MSN: variants seen among roughly 807,000 people sequenced by gnomAD.
MSN encodes moesin, also known as epididymis luminal protein 70.
A neutral mutation model predicts 48.0 loss-of-function variants in MSN; 2 were observed. The observed-to-expected ratio is 0.04, with a 90% confidence interval of 0.02 to 0.13. The LOEUF is 0.13. MSN is among the 10% of genes least tolerant of loss of function. The probability of loss-of-function intolerance (pLI) is 1.00; values close to 1 mark genes in which losing one functional copy is unlikely to be tolerated. For synonymous variants in MSN, 146 were observed against 166.9 expected (o/e 0.87, Z 0.97); for missense variants, 267 against 470.1 (o/e 0.57, Z 3.99).
At chrX:65,659,867 C>T (rs1373541151) in intron 1 of MSN, among the ~76,000 whole-genome samples, 4 of 111,191 alleles carry the variant, frequency 3.6e-5, no homozygotes, top group African/African-American at 1.3e-4. Flanking sequence ...TCTCTAGAAA[C>T]ACTGACATAA....
chrX:65,633,906 C>G lies in MSN; in HGVS notation c.-22+45294C>G, dbSNP rs368418761. Among the ~76,000 whole-genome samples the G allele has an allele frequency of 5.2e-4, 58 of 111,716 alleles. No individual in the cohort carries two copies. In the South Asian group the frequency reaches 0.012, roughly 23 times the overall value. On this transcript the variant is annotated intron_variant, in intron 1 of 3. Transcript: ENST00000609672. ...TGTTTCAGAAGAATGGTCATGTGTC[C>G]AATGTCACACATCAGTTCAAGAGCA...
At chrX:65,596,254 C>A (rs2070185745) in intron 1 of MSN, among the ~76,000 whole-genome samples, 1 of 111,047 alleles carries the variant, frequency 9.0e-6, no homozygotes, top group African/African-American at 3.3e-5. Context: ...AACTTAGGGA[C>A]CCCAGTGTCT....
chrX:65,614,034 A>G (rs1336160476), intron 1 of MSN, among the ~76,000 whole-genome samples: 1 of 111,511 alleles, frequency 9.0e-6, no homozygotes, highest in African/African-American at 3.3e-5. Flanking sequence ...ATTCATCTTG[A>G]GTTAATCTTT....
chrX:65,693,825 G>A (rs1239161833), intron 1 of MSN, among the ~76,000 whole-genome samples: 3 of 111,646 alleles, frequency 2.7e-5, no homozygotes, highest in Non-Finnish European at 3.8e-5. Flanking sequence ...AGGCCGAGGC[G>A]GGCAGATCAC....
chrX:65,648,292 C>CA (rs2148373252), intron 1 of MSN, among the ~76,000 whole-genome samples: 1 of 112,309 alleles, frequency 8.9e-6, no homozygotes, highest in South Asian at 3.7e-4. Context: ...GTGGCTCACG[C>CA]CTGTAATCCC....
chrX:65,716,716 G>A, intron 1 of MSN, 102 bp from the exon 2 acceptor site: 1 of 712,809 alleles, frequency 1.4e-6, no homozygotes, highest in Non-Finnish European at 2.2e-6. Flanking sequence ...CAGGCTCTTA[G>A]CATCCTAACT....
chrX:65,684,453 T>C (rs1341948451), intron 1 of MSN, among the ~76,000 whole-genome samples: 1 of 110,377 alleles, frequency 9.1e-6, no homozygotes, highest in African/African-American at 3.3e-5. Flanking sequence ...CTTTTTTTTT[T>C]TTGAGGCAGA....
rs1261169460 is a variant in MSN, at chrX:65,676,614, G to A, written c.12+8761G>A. On this transcript the variant is annotated intron_variant, in intron 1 of 12. Transcript: ENST00000360270. ...TTTTTCCTGGGTATATATTTGGGAA[G>A]TGACTGGGGCCAAGGCCTAGGAGGG... Among the ~76,000 whole-genome samples, 3 of 111,454 alleles carry A rather than the reference G, an allele frequency of 2.7e-5. No individual in the cohort carries two copies. The East Asian group carries it at 8.4e-4, about 31-fold the overall frequency.
At chrX:65,689,416 T>A (rs1053123605) in intron 1 of MSN, among the ~76,000 whole-genome samples, 3 of 110,926 alleles carry the variant, frequency 2.7e-5, no homozygotes, top group African/African-American at 9.8e-5. Context: ...CATAACTGGG[T>A]GGAGGGGTGA....
At position 65,650,840 on chromosome X, in the gene MSN, T is replaced by G. The variant is rs192931891; in HGVS notation, c.-22+62228T>G. Among the ~76,000 whole-genome samples the G allele has an allele frequency of 5.4e-5, 6 of 111,640 alleles. No individual in the cohort carries two copies. The East Asian group carries it at 1.7e-3, about 31-fold the overall frequency. Reference sequence around the variant, plus strand: ...CTGAAGGCTCTAGAGAAGAATAAATTTCCTTGTCTTTTCCAGCTTATTGAG... The same window carrying G: ...CTGAAGGCTCTAGAGAAGAATAAATGTCCTTGTCTTTTCCAGCTTATTGAG... On this transcript the variant is annotated intron_variant, in intron 1 of 3. Transcript: ENST00000609672.
At chrX:65,607,344 G>A (rs994688072) in intron 1 of MSN, among the ~76,000 whole-genome samples, 2 of 111,479 alleles carry the variant, frequency 1.8e-5, no homozygotes, top group Non-Finnish European at 3.8e-5. Context: ...TGACCCAGAG[G>A]GAGATCTTGA....
chrX:65,602,027 G>A (rs143482535), intron 1 of MSN, among the ~76,000 whole-genome samples: 2 of 111,876 alleles, frequency 1.8e-5, no homozygotes, highest in East Asian at 2.8e-4. Flanking sequence ...TACTCTGAGC[G>A]TTCTACAGCT....
intron 1 of MSN, among the ~76,000 whole-genome samples, chrX:65,596,331 G>A (rs1483048130): frequency 1.8e-5 from 2 of 111,109 alleles, no homozygotes; most frequent in Non-Finnish European, 3.8e-5. Context: ...ATCCCCAGGA[G>A]GCTGGAATCT....
rs151122497 is a variant in MSN, at chrX:65,659,638, C to G, written c.-21-57180C>G. ...CATCTCCTGCCCACTGACTCAGATG[C>G]CCCCGGCTTCCTTGGACTCCAGCTC... On this transcript the variant is annotated intron_variant, in intron 1 of 3. Coordinates refer to the MSN transcript ENST00000609672. 7.6e-3 allele frequency among the ~76,000 whole-genome samples: 847 copies of G among 111,387 alleles called. 8 individuals are homozygous for G. The highest frequency in any genetic ancestry group is 0.027 in the African/African-American group (818 of 30,686).
chrX:65,729,706 C>T lies in MSN; in HGVS notation c.461C>T (p.Pro154Leu). ...TACCTGGCCGGAGACAAGTTGCTCC[C>T]GCAGAGGTGAGGTGGTTCCCTGCCC... is the stretch of plus-strand genomic sequence containing the variant. ...SGYLAGDKLL[P>L]QRVLEQHKLN... The change falls in exon 4 of 13, where the codon CCG becomes CTG. Residue 154 changes from proline to leucine, a missense_variant. Pro to Leu is a moderately conservative substitution (Grantham distance 98). Transcript: ENST00000360270. 1.7e-6 allele frequency: 2 copies of T among 1,209,469 alleles called. No homozygotes were observed. Among genetic ancestry groups the T allele is most frequent in the Non-Finnish European group, 2.2e-6 (2 of 894,163 alleles).
intron 1 of MSN, among the ~76,000 whole-genome samples, chrX:65,633,505 A>G (rs1253977727): frequency 8.9e-6 from 1 of 112,446 alleles, no homozygotes; most frequent in Non-Finnish European, 1.9e-5. Context: ...CCAGATTTCC[A>G]TTCTTTAATT....
chrX:65,700,657 G>A (rs755980063), intron 1 of MSN, among the ~76,000 whole-genome samples: 1 of 112,028 alleles, frequency 8.9e-6, no homozygotes, highest in South Asian at 3.7e-4. Flanking sequence ...CTTGGCTCTT[G>A]GTCAAGGTCA....
intron 1 of MSN, among the ~76,000 whole-genome samples, chrX:65,652,573 C>A (rs765416874): frequency 8.1e-5 from 9 of 111,691 alleles, no homozygotes; most frequent in African/African-American, 2.6e-4. Context: ...AGAGACCCAC[C>A]AGCAAGCCCC....
At chrX:65,667,949 G>A (rs1004950157) in intron 1 of MSN, 96 bp downstream of exon 1, 2 of 965,672 alleles carry the variant, frequency 2.1e-6, no homozygotes, top group East Asian at 6.7e-5. Context: ...CCACCGGCCC[G>A]CCTGGGACGC....
Sources: allele counts gnomAD v4.1 joint callset (sites outside exome capture counted in the v4.1 genomes callset), GRCh38; gene constraint gnomAD v4.1.1; transcripts MANE v1.5; gene names NCBI Gene and HGNC (gene_info 2026-07-23, HGNC 2026-07-21).